SLC44A5: variants seen among roughly 807,000 people sequenced by gnomAD.
The protein encoded by SLC44A5 is solute carrier family 44 member 5, also known as choline transporter-like protein 5.
SLC44A5 carries 57 observed loss-of-function variants against 101.8 expected under a neutral mutation model. The observed-to-expected ratio is 0.56, with a 90% CI of 0.45 to 0.70. SLC44A5 has a LOEUF of 0.70. Ranked by LOEUF, SLC44A5 falls within the 30% of genes least tolerant of loss-of-function variation. The pLI is 0.00. For synonymous variants in SLC44A5, 281 were observed against 290.9 expected (o/e 0.97, Z 0.35); for missense variants, 737 against 853.1 (o/e 0.86, Z 1.70).
At chr1:75,361,160 C>G (rs1005309794) in intron 3 of SLC44A5, among the ~76,000 whole-genome samples, 1 of 151,916 alleles carries the variant, frequency 6.6e-6, no homozygotes, top group Non-Finnish European at 1.5e-5. Context: ...AGTTTGTATC[C>G]TACAACTTTT....
At chr1:75,255,850 T>C (rs1221160933) in intron 6 of SLC44A5, among the ~76,000 whole-genome samples, 1 of 152,120 alleles carries the variant, frequency 6.6e-6, no homozygotes, top group Non-Finnish European at 1.5e-5. Flanking sequence ...GATGGAGCAA[T>C]GTCTTCACAT....
chr1:75,641,676 A>G, the SLC44A5 span: 1 of 1,505,866 alleles, frequency 6.6e-7, no homozygotes, highest in Non-Finnish European at 9.2e-7. Context: ...AGAATACTAT[A>G]TACCTCTCTC....
chr1:75,227,137 G>A (rs1647216560), intron 13 of SLC44A5, among the ~76,000 whole-genome samples: 1 of 152,066 alleles, frequency 6.6e-6, no homozygotes, highest in Non-Finnish European at 1.5e-5. Flanking sequence ...GGCTGAGGTG[G>A]GAGGATCACT....
the SLC44A5 span, among the ~76,000 whole-genome samples, chr1:75,685,851 T>C: frequency 6.6e-6 from 1 of 152,192 alleles, no homozygotes; most frequent in African/African-American, 2.4e-5. Context: ...CTCACACAGC[T>C]AATAAAGGCA....
At chr1:75,258,673 C>T (rs1650229858) in intron 6 of SLC44A5, among the ~76,000 whole-genome samples, 1 of 152,122 alleles carries the variant, frequency 6.6e-6, no homozygotes, top group Non-Finnish European at 1.5e-5. Context: ...CGTTTGAGCT[C>T]CAATAAGGGA....
intron 2 of SLC44A5, among the ~76,000 whole-genome samples, chr1:75,500,059 T>C (rs1356450461): frequency 6.6e-6 from 1 of 152,218 alleles, no homozygotes; most frequent in Non-Finnish European, 1.5e-5. Flanking sequence ...AAGGCCAAGA[T>C]GTCCAAATGG....
At chr1:75,510,660 G>T (rs1050354670) in intron 2 of SLC44A5, among the ~76,000 whole-genome samples, 4 of 152,180 alleles carry the variant, frequency 2.6e-5, no homozygotes, top group East Asian at 1.9e-4. Flanking sequence ...ACTGCCTCAA[G>T]ATATAAAAAT....
chr1:75,339,490 T>A, intron 4 of SLC44A5, 92 bp downstream of exon 4: 1 of 981,934 alleles, frequency 1.0e-6, no homozygotes, highest in Non-Finnish European at 1.5e-6. Context: ...TAGACACAAT[T>A]CTCCACTGAC....
intron 2 of SLC44A5, among the ~76,000 whole-genome samples, chr1:75,495,946 A>C (rs1170782671): frequency 6.6e-6 from 1 of 152,178 alleles, no homozygotes; most frequent in African/African-American, 2.4e-5. Context: ...TTTGTGCTAC[A>C]AACAATCAAA....
intron 3 of SLC44A5, among the ~76,000 whole-genome samples, chr1:75,341,612 A>G (rs1470087764): frequency 1.3e-5 from 2 of 152,182 alleles, no homozygotes; most frequent in African/African-American, 4.8e-5. Flanking sequence ...CATCATTTCA[A>G]CACTGTGTGG....
At chr1:75,210,175 T>C (rs1340308187) in intron 23 of SLC44A5, among the ~76,000 whole-genome samples, 1 of 151,944 alleles carries the variant, frequency 6.6e-6, no homozygotes, top group Non-Finnish European at 1.5e-5. Flanking sequence ...GCCTCCTGGG[T>C]AGCTAGGACT....
intron 2 of SLC44A5, among the ~76,000 whole-genome samples, chr1:75,491,731 G>GCACACA (rs35416517): frequency 2.2e-4 from 33 of 148,026 alleles, no homozygotes; most frequent in African/African-American, 7.4e-4. Context: ...ACGCACGCAC[G>GCACACA]CACACACACA....
intron 2 of SLC44A5, among the ~76,000 whole-genome samples, chr1:75,504,258 G>A (rs1291339161): frequency 2.0e-5 from 3 of 152,174 alleles, no homozygotes; most frequent in East Asian, 3.9e-4. Flanking sequence ...TTAAAAAACA[G>A]GGAAAAGCAA....
intron 5 of SLC44A5, among the ~76,000 whole-genome samples, chr1:75,285,907 G>C (rs890278675): frequency 6.6e-6 from 1 of 152,008 alleles, no homozygotes; most frequent in Non-Finnish European, 1.5e-5. Context: ...CTATCTTGGA[G>C]AATGTTCCAT....
chr1:75,469,733 C>G (rs56336598), intron 2 of SLC44A5, among the ~76,000 whole-genome samples: 19 of 151,762 alleles, frequency 1.3e-4, no homozygotes, highest in Non-Finnish European at 2.7e-4. Flanking sequence ...AAGACGCTGT[C>G]TGAACGATAA....
intron 3 of SLC44A5, among the ~76,000 whole-genome samples, chr1:75,350,564 A>G (rs990969066): frequency 2.7e-5 from 4 of 150,930 alleles, no homozygotes; most frequent in Non-Finnish European, 5.9e-5. Flanking sequence ...AAATCCAACT[A>G]TATGCTATAT....
chr1:75,354,427 C>T (rs1233169973), intron 3 of SLC44A5, among the ~76,000 whole-genome samples: 2 of 152,204 alleles, frequency 1.3e-5, no homozygotes, highest in Non-Finnish European at 2.9e-5. Context: ...CAGCTTCTAG[C>T]ACTCCCATTA....
intron 3 of SLC44A5, among the ~76,000 whole-genome samples, chr1:75,396,179 C>T (rs1662111904): frequency 6.6e-6 from 1 of 151,944 alleles, no homozygotes; most frequent in African/African-American, 2.4e-5. Context: ...AGCCGGCTGT[C>T]GGAAAAAGAA....
At chr1:75,632,673 G>A in the SLC44A5 span, among the ~76,000 whole-genome samples, 1 of 152,088 alleles carries the variant, frequency 6.6e-6, no homozygotes, top group Non-Finnish European at 1.5e-5. Context: ...AATGGCACTT[G>A]TTCACGCTCC....
Sources: gnomAD v4.1 joint callset for allele counts (sites outside exome capture counted in the v4.1 genomes callset) on GRCh38, gnomAD v4.1.1 for gene constraint, MANE v1.5 for transcripts, NCBI Gene and HGNC (gene_info 2026-07-23, HGNC 2026-07-21) for gene names.